Variants in HACD2 observed in about 807,000 individuals in gnomAD.
HACD2 encodes the protein 3-hydroxyacyl-CoA dehydratase 2, also known as very-long-chain (3R)-3-hydroxyacyl-CoA dehydratase 2.
In HACD2, 15 loss-of-function variants were observed where a neutral mutation model predicts 31.0. That is an observed-to-expected ratio of 0.48 (90% confidence interval 0.32 to 0.75). The LOEUF (loss-of-function observed/expected upper bound fraction) is 0.75. HACD2 is among the 30% of genes least tolerant of loss of function. The pLI is 0.03. For missense variants in HACD2, 283 were observed against 313.0 expected, an observed-to-expected ratio of 0.90 and a Z score of 0.72; for synonymous variants, 115 against 122.2, an observed-to-expected ratio of 0.94 and a Z score of 0.39.
At chr3:123,570,843 T>C (rs1251285538) in intron 2 of HACD2, among the ~76,000 whole-genome samples, 1 of 151,796 alleles carries the variant, frequency 6.6e-6, no homozygotes, top group African/African-American at 2.4e-5. Context: ...TAACAGGGGA[T>C]ACTTTTAGGA....
chr3:123,521,654 C>G (rs2056216651), intron 4 of HACD2, among the ~76,000 whole-genome samples: 1 of 149,860 alleles, frequency 6.7e-6, no homozygotes, highest in Non-Finnish European at 1.5e-5. Context: ...TTTTCAGGAG[C>G]AGAGTCACCA....
chr3:123,501,678 C>A (rs1011799169), intron 5 of HACD2, among the ~76,000 whole-genome samples: 9 of 152,224 alleles, frequency 5.9e-5, no homozygotes, highest in Admixed American at 5.9e-4. Flanking sequence ...ACTTCCCTAA[C>A]AACCAGGGTA....
At chr3:123,518,826 T>A (rs1178216782) in intron 4 of HACD2, among the ~76,000 whole-genome samples, 1 of 151,782 alleles carries the variant, frequency 6.6e-6, no homozygotes, top group African/African-American at 2.4e-5. Flanking sequence ...TGAAACCCCA[T>A]CTCTACTAAA....
At chr3:123,503,879 G>A (rs900462535) in intron 4 of HACD2, among the ~76,000 whole-genome samples, 1 of 152,158 alleles carries the variant, frequency 6.6e-6, no homozygotes, top group African/African-American at 2.4e-5. Context: ...CATTTGCAAT[G>A]TTAATAGTTT....
chr3:123,575,913 CAA>C (rs1299766127), intron 2 of HACD2, among the ~76,000 whole-genome samples: 1 of 152,180 alleles, frequency 6.6e-6, no homozygotes, highest in Admixed American at 6.5e-5. Context: ...TTCAGTTCAG[CAA>C]AGTTTTCTAT....
chr3:123,525,210 T>C (rs1383643069), intron 4 of HACD2, among the ~76,000 whole-genome samples: 3 of 152,200 alleles, frequency 2.0e-5, no homozygotes, highest in Non-Finnish European at 4.4e-5. Context: ...TGTTCATTTA[T>C]ATGGTCTCTT....
At chr3:123,581,996 G>A (rs969110719) in intron 2 of HACD2, among the ~76,000 whole-genome samples, 2 of 152,006 alleles carry the variant, frequency 1.3e-5, no homozygotes, top group Non-Finnish European at 2.9e-5. Context: ...CAAAAAAGTC[G>A]AATATAAAAT....
chr3:123,523,183 G>A (rs543484649), intron 4 of HACD2, among the ~76,000 whole-genome samples: 4 of 152,286 alleles, frequency 2.6e-5, no homozygotes, highest in African/African-American at 9.6e-5. Flanking sequence ...CCCCAACAAC[G>A]AAAACAGGTC....
chr3:123,561,839 TCTCA>T (rs2056733229), intron 3 of HACD2, among the ~76,000 whole-genome samples: 1 of 151,632 alleles, frequency 6.6e-6, no homozygotes, highest in Admixed American at 6.6e-5. Context: ...TGAGACGGGG[TCTCA>T]CTCTGTCGCC....
At chr3:123,506,543 C>A (rs1482788784) in intron 4 of HACD2, among the ~76,000 whole-genome samples, 2 of 152,196 alleles carry the variant, frequency 1.3e-5, no homozygotes, top group African/African-American at 4.8e-5. Flanking sequence ...GATCCTCCCA[C>A]CTCAGTCTCA....
Position 123,494,811 on chromosome 3 carries a change from A to G in HACD2, c.*77T>C. 1.1e-6 allele frequency: 1 copy of G among 905,456 alleles called. No individual in the cohort carries two copies. Among genetic ancestry groups the G allele is most frequent in the Admixed American group, 2.2e-5 (1 of 45,224 alleles). 56.1% of individuals were successfully genotyped at this position (905,456 alleles called of 1,614,324 possible). On this transcript the variant is annotated 3_prime_UTR_variant, in exon 7 of 7. Transcript: ENST00000383657. ...TTCTTACTTATTTTCTATGAAACGTATTGGGAACTCAAAAAATCTGCAGCA... is the reference window on the plus strand; with the variant it reads ...TTCTTACTTATTTTCTATGAAACGTGTTGGGAACTCAAAAAATCTGCAGCA...
intron 3 of HACD2, among the ~76,000 whole-genome samples, chr3:123,528,864 A>T (rs2056317024): frequency 6.6e-6 from 1 of 152,220 alleles, no homozygotes; most frequent in African/African-American, 2.4e-5. Flanking sequence ...TGAGAAATCA[A>T]TCCTATTTGT....
At chr3:123,534,029 A>AGTGTGT (rs62840760) in intron 3 of HACD2, among the ~76,000 whole-genome samples, 25,338 of 149,866 alleles carry the variant, frequency 0.17, 2,187 homozygotes, top group Non-Finnish European at 0.19. Flanking sequence ...AACATAGTGG[A>AGTGTGT]GTGTGTGTGT....
chr3:123,575,725 T>C (rs144027241), intron 2 of HACD2, among the ~76,000 whole-genome samples: 222 of 152,346 alleles, frequency 1.5e-3, no homozygotes, highest in African/African-American at 5.2e-3. Flanking sequence ...AGGAACCTAA[T>C]ATTTCCTACT....
In HACD2 at chr3:123,492,161, A is replaced by C. The variant is rs1324679382; in HGVS notation, c.*2727T>G. ...TAAATGAATAAGCCCAACCTCAGCA[A>C]ACAGAACGCAGCAAGATGTAGATTA... On this transcript the variant is annotated 3_prime_UTR_variant, in exon 7 of 7. Coordinates refer to ENST00000383657, the MANE Select transcript of HACD2 (RefSeq NM_198402.5). The C allele has an allele frequency of 6.6e-6, 1 of 152,240 alleles. No individual in the cohort carries two copies. Among genetic ancestry groups the C allele is most frequent in the Non-Finnish European group, 1.5e-5 (1 of 68,042 alleles). The allele number at this position is 152,240 out of a possible 1,614,324, so 9.4% of individuals were successfully genotyped here.
chr3:123,565,665 C>T lies in HACD2; in HGVS notation c.292+2097G>A, dbSNP rs548845663. ...AACCGGCTAAGATACTTGGAAAAGACGCATCTGAGAGCTTTATACAGAGAC... is the reference window on the plus strand; with the variant it reads ...AACCGGCTAAGATACTTGGAAAAGATGCATCTGAGAGCTTTATACAGAGAC... On this transcript the variant is annotated intron_variant, in intron 3 of 6. Coordinates refer to ENST00000383657, the MANE Select transcript of HACD2 (RefSeq NM_198402.5). 7.2e-5 allele frequency among the ~76,000 whole-genome samples: 11 copies of T among 152,222 alleles called. No homozygotes were observed. The East Asian group carries it at 7.7e-4, about 11-fold the overall frequency.
chr3:123,578,601 C>T (rs2056932779), intron 2 of HACD2, among the ~76,000 whole-genome samples: 1 of 152,162 alleles, frequency 6.6e-6, no homozygotes, highest in South Asian at 2.1e-4. Flanking sequence ...CTACTACATG[C>T]TCCTTTGTAC....
intron 4 of HACD2, among the ~76,000 whole-genome samples, chr3:123,522,381 C>T (rs2056227706): frequency 6.8e-6 from 1 of 146,734 alleles, no homozygotes; most frequent in South Asian, 2.2e-4. Context: ...CTACACTGAA[C>T]CTAAAAGATC....
At chr3:123,576,214 C>T (rs920965056) in intron 2 of HACD2, among the ~76,000 whole-genome samples, 2 of 151,598 alleles carry the variant, frequency 1.3e-5, no homozygotes, top group Non-Finnish European at 2.9e-5. Context: ...GTGGCTCCTT[C>T]GTGCCCTATA....
Sources: gnomAD v4.1 joint callset for allele counts (sites outside exome capture counted in the v4.1 genomes callset) on GRCh38, gnomAD v4.1.1 for gene constraint, MANE v1.5 for transcripts, NCBI Gene and HGNC (gene_info 2026-07-23, HGNC 2026-07-21) for gene names.